CAMKMT: variants seen among roughly 807,000 people sequenced by gnomAD.
The protein encoded by CAMKMT is CaM KMT.
A neutral mutation model predicts 48.0 loss-of-function variants in CAMKMT; 53 were observed. The observed-to-expected ratio is 1.10, with a 90% confidence interval of 0.89 to 1.39. CAMKMT has a LOEUF of 1.39. Ranked by LOEUF, CAMKMT falls within the 40% of genes most tolerant of loss-of-function variation. CAMKMT has a pLI of 0.00. For synonymous variants in CAMKMT, 165 were observed against 152.3 expected (o/e 1.08, Z -0.61); for missense variants, 428 against 402.7 (o/e 1.06, Z -0.54).
At chr2:44,467,552 A>C (rs183917026) in intron 3 of CAMKMT, among the ~76,000 whole-genome samples, 1 of 145,298 alleles carries the variant, frequency 6.9e-6, no homozygotes, top group African/African-American at 2.7e-5. Flanking sequence ...AAAAAAAAAC[A>C]AAAAAAAACA....
chr2:44,643,417 T>A (rs1264783436), intron 3 of CAMKMT, among the ~76,000 whole-genome samples: 1 of 152,112 alleles, frequency 6.6e-6, no homozygotes, highest in Non-Finnish European at 1.5e-5. Flanking sequence ...TCCAAATGAA[T>A]GGAATATTGT....
chr2:44,602,919 C>G (rs1024170401), intron 3 of CAMKMT, among the ~76,000 whole-genome samples: 2 of 151,870 alleles, frequency 1.3e-5, no homozygotes, highest in African/African-American at 4.9e-5. Flanking sequence ...AACTAGCTAT[C>G]TCTCCATTAT....
At chr2:44,701,012 G>A (rs926316008) in intron 3 of CAMKMT, among the ~76,000 whole-genome samples, 9 of 152,156 alleles carry the variant, frequency 5.9e-5, no homozygotes, top group South Asian at 4.1e-4. Flanking sequence ...TTGTATGGAC[G>A]TACCACATTT....
At chr2:44,446,901 T>C (rs541006038) in intron 3 of CAMKMT, among the ~76,000 whole-genome samples, 58 of 152,334 alleles carry the variant, frequency 3.8e-4, no homozygotes, top group African/African-American at 1.4e-3. Context: ...TACATACACA[T>C]GTTATGATTT....
chr2:44,682,469 T>G (rs1426094334), intron 3 of CAMKMT, among the ~76,000 whole-genome samples: 2 of 152,224 alleles, frequency 1.3e-5, no homozygotes, highest in Non-Finnish European at 2.9e-5. Context: ...AGCTGAAGCA[T>G]AATCTTAGGT....
rs143478058 is a variant in CAMKMT, at chr2:44,760,214, A to C, written c.762+6096A>C. On this transcript the variant is annotated intron_variant, in intron 9 of 10. Transcript: ENST00000378494. ...GTGACTGCCTGAGGAAGGTTTCCCT[A>C]GAGGCAGTGGTGTCTGACTTTGGTC... Among the ~76,000 whole-genome samples, 4 of 152,140 alleles carry C rather than the reference A, an allele frequency of 2.6e-5. No individual in the cohort carries two copies. The South Asian group carries it at 8.3e-4, about 31-fold the overall frequency.
chr2:44,550,020 AAAGG>A (rs1667621663), intron 3 of CAMKMT, among the ~76,000 whole-genome samples: 1 of 152,216 alleles, frequency 6.6e-6, no homozygotes, highest in African/African-American at 2.4e-5. Flanking sequence ...AATGTGGAGA[AAAGG>A]AATGTGTGTG....
chr2:44,677,642 A>T (rs1178311407), intron 3 of CAMKMT, among the ~76,000 whole-genome samples: 2 of 151,928 alleles, frequency 1.3e-5, no homozygotes, highest in African/African-American at 2.4e-5. Flanking sequence ...AGGGAGGTGG[A>T]TGTTGCAGTG....
chr2:44,571,159 C>A (rs936201992), intron 3 of CAMKMT, among the ~76,000 whole-genome samples: 1 of 151,978 alleles, frequency 6.6e-6, no homozygotes. Context: ...TAAATCTAGT[C>A]GTTTTTACCA....
intron 8 of CAMKMT, among the ~76,000 whole-genome samples, chr2:44,752,988 C>T (rs1421120232): frequency 2.0e-5 from 3 of 152,208 alleles, no homozygotes; most frequent in African/African-American, 4.8e-5. Context: ...AGGAAACTGT[C>T]TCAAGCTTCC....
chr2:44,754,248 A>T, intron 9 of CAMKMT, 130 bp downstream of exon 9: 2 of 685,846 alleles, frequency 2.9e-6, no homozygotes. Flanking sequence ...GTCCAACTTC[A>T]ATTGGGTCTT....
intron 3 of CAMKMT, among the ~76,000 whole-genome samples, chr2:44,581,479 A>G (rs1558719307): frequency 6.6e-6 from 1 of 152,242 alleles, no homozygotes; most frequent in African/African-American, 2.4e-5. Flanking sequence ...ACCATTAAAT[A>G]TGTGTATACT....
At position 44,766,590 on chromosome 2, in the gene CAMKMT, C is replaced by T. The variant is rs1680851604; in HGVS notation, c.894+29C>T. ...AGTTTTCTGCTTGTGTTAGATAACA[C>T]TTTAATCCGCATTGCATTTTGAAGA... On this transcript the variant is annotated intron_variant, in intron 10 of 10. Transcript: ENST00000378494. 1.9e-6 allele frequency: 3 copies of T among 1,610,362 alleles called. No homozygotes were observed. The East Asian group carries it at 6.7e-5, about 36-fold the overall frequency.
In CAMKMT at chr2:44,694,451, G is replaced by A. The variant is rs566629752; in HGVS notation, c.377-9832G>A. Among the ~76,000 whole-genome samples the A allele has an allele frequency of 3.3e-5, 5 of 152,204 alleles. No homozygotes were observed. The South Asian group carries it at 1.0e-3, about 32-fold the overall frequency. On this transcript the variant is annotated intron_variant, in intron 3 of 10. Coordinates refer to ENST00000378494, the MANE Select transcript of CAMKMT (RefSeq NM_024766.5). ...TAGCTGGGTGTGGTGGTGCACACCT[G>A]TAGTCCCACCTACTTGGGAGAGAAT...
intron 3 of CAMKMT, among the ~76,000 whole-genome samples, chr2:44,432,603 C>T (rs187255619): frequency 6.4e-4 from 97 of 152,272 alleles, no homozygotes; most frequent in East Asian, 3.9e-4. Context: ...CAATGTTTGA[C>T]TCAGCAGATG....
intron 7 of CAMKMT, among the ~76,000 whole-genome samples, chr2:44,734,409 CT>C (rs570124604): frequency 2.3e-4 from 34 of 146,524 alleles, no homozygotes; most frequent in South Asian, 6.6e-4. Flanking sequence ...AGGAAACATT[CT>C]TTTTTTTTTT....
intron 3 of CAMKMT, among the ~76,000 whole-genome samples, chr2:44,485,562 T>C (rs1669175461): frequency 6.6e-6 from 1 of 152,184 alleles, no homozygotes; most frequent in South Asian, 2.1e-4. Context: ...CTAGATGGTA[T>C]AGCCTGCTGC....
chr2:44,709,380 C>A (rs1677745577), intron 6 of CAMKMT, among the ~76,000 whole-genome samples: 1 of 152,170 alleles, frequency 6.6e-6, no homozygotes, highest in Admixed American at 6.5e-5. Flanking sequence ...TATTTCATCT[C>A]TTAGGACTTT....
At chr2:44,410,626 T>C (rs1039594746) in intron 3 of CAMKMT, among the ~76,000 whole-genome samples, 4 of 152,124 alleles carry the variant, frequency 2.6e-5, no homozygotes, top group African/African-American at 9.7e-5. Flanking sequence ...TCATTTCACC[T>C]AAAGGGAACA....
Sources: gnomAD v4.1 joint callset for allele counts (sites outside exome capture counted in the v4.1 genomes callset) on GRCh38, gnomAD v4.1.1 for gene constraint, MANE v1.5 for transcripts, NCBI Gene and HGNC (gene_info 2026-07-23, HGNC 2026-07-21) for gene names.